Variants in KDM4C observed in about 807,000 individuals in gnomAD.
KDM4C encodes lysine demethylase 4C, also known as lysine-specific demethylase 4C.
A neutral mutation model predicts 129.3 loss-of-function variants in KDM4C; 81 were observed. The ratio of observed to expected loss-of-function variants is 0.63; its 90% CI spans 0.52 to 0.75. KDM4C has a LOEUF of 0.75. KDM4C is among the 30% of genes least tolerant of loss of function. The pLI, the probability that KDM4C is intolerant of heterozygous loss-of-function variation, is 0.00. For synonymous variants in KDM4C, 573 were observed against 456.1 expected (o/e 1.26, Z -3.26); for missense variants, 1,457 against 1,304.0 (o/e 1.12, Z -1.81).
At chr9:6,932,843 G>C (rs1458481416) in intron 8 of KDM4C, among the ~76,000 whole-genome samples, 1 of 152,202 alleles carries the variant, frequency 6.6e-6, no homozygotes, top group Admixed American at 6.5e-5. Context: ...ACAATACACA[G>C]GGCAGCCTCC....
intron 1 of KDM4C, among the ~76,000 whole-genome samples, chr9:6,724,580 G>T (rs1490221234): frequency 6.6e-6 from 1 of 152,036 alleles, no homozygotes; most frequent in Non-Finnish European, 1.5e-5. Flanking sequence ...GCCCAGGCTG[G>T]AGTGCAGTGG....
rs867071690 is a variant in KDM4C at position 6,763,040 on chromosome 9, G to A, written c.-18+4837G>A. On this transcript the variant is annotated intron_variant, in intron 1 of 21. Coordinates refer to ENST00000381309, the MANE Select transcript of KDM4C (RefSeq NM_015061.6). ...TCCTTACCCTTCCGCTGGTGGGGGG[G>A]GATGGATGGGGGGTAGAGGGGGCGT... Among the ~76,000 whole-genome samples the A allele has an allele frequency of 2.0e-5, 3 of 151,936 alleles. No individual in the cohort carries two copies. In the Middle Eastern group the frequency reaches 0.01, roughly 517 times the overall value.
rs1420010098 is a variant in KDM4C, at chr9:6,758,735, C to A, written c.-18+532C>A. Among the ~76,000 whole-genome samples, 1 of 152,222 alleles carries A rather than the reference C, an allele frequency of 6.6e-6. No individual in the cohort carries two copies. ...GCGGCTGTCCTTTTGGTGTTTCTTT[C>A]CCCCGGCATGGGGCCATTTCTTCCT... On this transcript the variant is annotated intron_variant, in intron 1 of 21. Transcript: ENST00000381309. This position sits in a 1 kb window ranked among gnomAD's most constrained non-coding sequence, Gnocchi z 4.6.
chr9:6,995,764 T>A (rs758385917), intron 12 of KDM4C, among the ~76,000 whole-genome samples: 1 of 152,054 alleles, frequency 6.6e-6, no homozygotes, highest in African/African-American at 2.4e-5. Context: ...CTCTGCCTGC[T>A]GGGTTCACAC....
At chr9:6,809,000 G>C (rs1329587790) in intron 3 of KDM4C, among the ~76,000 whole-genome samples, 1 of 151,882 alleles carries the variant, frequency 6.6e-6, no homozygotes, top group African/African-American at 2.4e-5. Context: ...TCCCTGGATG[G>C]GTGTGAATGA....
chr9:6,859,620 T>C (rs889458132), intron 5 of KDM4C, among the ~76,000 whole-genome samples: 1 of 151,434 alleles, frequency 6.6e-6, no homozygotes, highest in East Asian at 1.9e-4. Context: ...TCCAGCACTT[T>C]GGGAGGCCCA....
intron 18 of KDM4C, among the ~76,000 whole-genome samples, chr9:7,125,093 G>T (rs756286693): frequency 6.6e-6 from 1 of 152,082 alleles, no homozygotes; most frequent in Non-Finnish European, 1.5e-5. Flanking sequence ...GATTCCCTAG[G>T]ATGGCATAAG....
chr9:6,988,820 A>T (rs1818213070), intron 11 of KDM4C, among the ~76,000 whole-genome samples: 2 of 152,016 alleles, frequency 1.3e-5, no homozygotes, highest in South Asian at 4.2e-4. Context: ...ATGCACTCAA[A>T]GTTCCCCTCA....
intron 6 of KDM4C, among the ~76,000 whole-genome samples, chr9:6,881,042 C>G (rs976855078): frequency 6.6e-6 from 1 of 152,246 alleles, no homozygotes. Context: ...TAGTCCAGTG[C>G]AGATCTAAGT....
chr9:6,960,781 T>C (rs915899688), intron 8 of KDM4C, among the ~76,000 whole-genome samples: 1 of 152,198 alleles, frequency 6.6e-6, no homozygotes, highest in Admixed American at 6.5e-5. Flanking sequence ...CATTCTCAGC[T>C]TCAGCAATAT....
chr9:6,876,119 T>G (rs1317916682), intron 5 of KDM4C, among the ~76,000 whole-genome samples: 1 of 152,212 alleles, frequency 6.6e-6, no homozygotes, highest in African/African-American at 2.4e-5. Context: ...GCCTTTTATG[T>G]GCCTGTCTGA....
intron 8 of KDM4C, among the ~76,000 whole-genome samples, chr9:6,960,382 G>A (rs2131593548): frequency 6.6e-6 from 1 of 151,042 alleles, no homozygotes; most frequent in African/African-American, 2.4e-5. Context: ...TGGGCTCAAG[G>A]GATCCTCTCT....
At chr9:6,940,021 CCTTCCTTCCTTCTTTCCT>C (rs1825620315) in intron 8 of KDM4C, among the ~76,000 whole-genome samples, 3 of 134,788 alleles carry the variant, frequency 2.2e-5, no homozygotes, top group African/African-American at 8.6e-5. Flanking sequence ...TTCCTTCCTT[CCTTCCTTCCTTCTTTCCT>C]TCCTTCCCTC....
At chr9:7,086,389 G>A (rs1316293420) in intron 17 of KDM4C, among the ~76,000 whole-genome samples, 4 of 152,170 alleles carry the variant, frequency 2.6e-5, no homozygotes, top group Admixed American at 6.5e-5. Flanking sequence ...TAAATATGCC[G>A]TCTGTCACAG....
intron 9 of KDM4C, among the ~76,000 whole-genome samples, chr9:6,983,580 A>ACACACACG (rs1448634108): frequency 3.2e-5 from 1 of 31,100 alleles, no homozygotes; most frequent in Non-Finnish European, 8.3e-5. Flanking sequence ...TATGACACAC[A>ACACACACG]CACACACACA....
At chr9:6,886,682 C>T (rs768492589) in intron 6 of KDM4C, among the ~76,000 whole-genome samples, 23 of 151,820 alleles carry the variant, frequency 1.5e-4, no homozygotes, top group Admixed American at 2.0e-4. Flanking sequence ...GTAGTAGAGA[C>T]GGGGTTTTAC....
At chr9:6,740,296 C>T (rs1192482348) in intron 1 of KDM4C, among the ~76,000 whole-genome samples, 3 of 149,308 alleles carry the variant, frequency 2.0e-5, no homozygotes, top group Non-Finnish European at 4.5e-5. Context: ...CTCCGCCTCC[C>T]GGGTTCACGC....
intron 6 of KDM4C, among the ~76,000 whole-genome samples, chr9:6,883,400 C>T (rs1480193728): frequency 1.3e-5 from 2 of 152,154 alleles, no homozygotes; most frequent in African/African-American, 4.8e-5. Flanking sequence ...GCATGGAGAT[C>T]AATGTGTGGT....
chr9:6,805,551 C>A, intron 2 of KDM4C, 48 bp from the exon 3 acceptor site: 1 of 1,309,272 alleles, frequency 7.6e-7, no homozygotes, highest in Non-Finnish European at 1.0e-6. Context: ...AGCTAAATTA[C>A]TTGGAGTATT....
Sources: allele counts gnomAD v4.1 joint callset (sites outside exome capture counted in the v4.1 genomes callset), GRCh38; gene constraint gnomAD v4.1.1; non-coding constraint Gnocchi (gnomAD v3.1); transcripts MANE v1.5; gene names NCBI Gene and HGNC (gene_info 2026-07-23, HGNC 2026-07-21).